CNST: variants seen among roughly 807,000 people sequenced by gnomAD.
CNST encodes the protein consortin.
CNST carries 39 observed loss-of-function variants against 72.4 expected under a neutral mutation model. The observed-to-expected ratio is 0.54, with a 90% CI of 0.42 to 0.70. The LOEUF is 0.70. Among genes scored for constraint, CNST ranks in the 30% least tolerant of loss-of-function variants. The pLI is 0.00. For missense variants in CNST, 871 were observed against 868.5 expected, an observed-to-expected ratio of 1.00 and a Z score of -0.04; for synonymous variants, 332 against 320.1, an observed-to-expected ratio of 1.04 and a Z score of -0.40.
intron 1 of CNST, among the ~76,000 whole-genome samples, chr1:246,584,636 A>G (rs1661017955): frequency 1.3e-5 from 2 of 152,194 alleles, no homozygotes. Flanking sequence ...TATGAAACCA[A>G]GTCGAATGGA....
chr1:246,623,898 C>A lies in CNST; in HGVS notation c.585+2264C>A, dbSNP rs868234213. Among the ~76,000 whole-genome samples, 95 of 138,634 alleles carry A rather than the reference C, an allele frequency of 6.9e-4. 1 individual carries two copies. The highest frequency in any genetic ancestry group is 7.1e-4 in the Admixed American group (10 of 13,996). The allele number at this position is 138,634 out of a possible 152,430, so 90.9% of individuals were successfully genotyped here. On this transcript the variant is annotated intron_variant, in intron 3 of 10. Coordinates refer to ENST00000366513, the MANE Select transcript of CNST (RefSeq NM_152609.3). ...GCAACATCATGAAACCTTGTCTCTACAAAAAAAAAAAAAATGTAGCCAGGC... is the reference window on the plus strand; with the variant it reads ...GCAACATCATGAAACCTTGTCTCTAAAAAAAAAAAAAAAATGTAGCCAGGC...
rs1491252940 is a variant in CNST at position 246,642,132 on chromosome 1, G to GTTTTTTTTTT, written c.937+95_937+96insTTTTTTTTTT. 25 of 198,342 alleles carry GTTTTTTTTTT rather than the reference G, an allele frequency of 1.3e-4. 5 individuals carry two copies. The highest frequency in any genetic ancestry group is 1.2e-3 in the African/African-American group (23 of 18,814). 12.3% of individuals were successfully genotyped at this position (198,342 alleles called of 1,614,324 possible). ...ACATCTGAATTGCTGCAAAGGATCT[G>GTTTTTTTTTT]GTTTTTTTTTTTTTTTTTTTTTGCA... On this transcript the variant is annotated intron_variant, in intron 8 of 10. Coordinates refer to ENST00000366513, the MANE Select transcript of CNST (RefSeq NM_152609.3).
chr1:246,601,495 G>A (rs1278017497), intron 2 of CNST, among the ~76,000 whole-genome samples: 1 of 151,468 alleles, frequency 6.6e-6, no homozygotes, highest in Non-Finnish European at 1.5e-5. Context: ...GGGAAGGCAG[G>A]TATTAAATAA....
chr1:246,652,940 C>T (rs111818889), intron 9 of CNST, among the ~76,000 whole-genome samples: 5,580 of 150,256 alleles, frequency 0.037, 241 homozygotes, highest in African/African-American at 0.11. Context: ...GGAGGCGGAG[C>T]TTGCAGTGAG....
chr1:246,633,714 G>T (rs1664940189), intron 4 of CNST, among the ~76,000 whole-genome samples: 1 of 149,812 alleles, frequency 6.7e-6, no homozygotes, highest in Admixed American at 6.7e-5. Flanking sequence ...CTGCACTCCA[G>T]CCTGGACTAC....
At position 246,647,260 on chromosome 1, in the gene CNST, A is replaced by T; in HGVS notation, c.1059A>T (p.Val353=). 6.2e-7 allele frequency: 1 copy of T among 1,614,152 alleles called. No homozygotes were observed. Among genetic ancestry groups the T allele is most frequent in the Non-Finnish European group, 8.5e-7 (1 of 1,180,022 alleles). Residue 353 remains valine (V), a synonymous_variant, in exon 9 of 11, where the codon GTA becomes GTT. Coordinates refer to ENST00000366513, the MANE Select transcript of CNST (RefSeq NM_152609.3). ...DVQTDSPSLS[V]TAGKDHMEEL... The stretch of plus-strand genomic sequence containing the variant: ...AAACAGATTCCCCAAGCCTTTCGGT[A>T]ACTGCAGGAAAGGACCACATGGAGG...
At chr1:246,585,056 A>G (rs1366002135) in intron 1 of CNST, among the ~76,000 whole-genome samples, 1 of 152,176 alleles carries the variant, frequency 6.6e-6, no homozygotes, top group East Asian at 1.9e-4. Flanking sequence ...TAGATGATTG[A>G]TTCTGCTGGG....
intron 9 of CNST, among the ~76,000 whole-genome samples, chr1:246,650,932 C>T (rs1429143609): frequency 1.3e-5 from 2 of 152,086 alleles, no homozygotes; most frequent in Non-Finnish European, 2.9e-5. Context: ...CCTACCTCGG[C>T]CTACCAAAGT....
chr1:246,650,000 C>T (rs548835880), intron 9 of CNST, among the ~76,000 whole-genome samples: 1 of 151,866 alleles, frequency 6.6e-6, no homozygotes, highest in South Asian at 2.1e-4. Context: ...ACATGTATTT[C>T]CAAAGCCTAC....
At chr1:246,588,817 A>G (rs1661358581) in intron 1 of CNST, among the ~76,000 whole-genome samples, 1 of 152,222 alleles carries the variant, frequency 6.6e-6, no homozygotes, top group South Asian at 2.1e-4. Flanking sequence ...TTCATTGGAA[A>G]TGCTTGAACT....
At chr1:246,664,832 T>A (rs1258060633) in intron 10 of CNST, among the ~76,000 whole-genome samples, 1 of 152,244 alleles carries the variant, frequency 6.6e-6, no homozygotes, top group Non-Finnish European at 1.5e-5. Context: ...TCCTACACTT[T>A]AATCATGCTG....
At chr1:246,602,801 C>CTTT (rs1433781730) in intron 2 of CNST, among the ~76,000 whole-genome samples, 3 of 152,172 alleles carry the variant, frequency 2.0e-5, no homozygotes, top group African/African-American at 7.2e-5. Context: ...TTCACAGTTC[C>CTTT]TTTTTTCCCT....
At chr1:246,642,133 G>T (rs12748305) in intron 8 of CNST, 96 bp downstream of exon 8, 55,191 of 185,866 alleles carry the variant, frequency 0.3, 7,360 homozygotes, top group African/African-American at 0.52. Context: ...AAAGGATCTG[G>T]TTTTTTTTTT....
chr1:246,608,458 C>G (rs1216977406), intron 2 of CNST, among the ~76,000 whole-genome samples: 1 of 152,224 alleles, frequency 6.6e-6, no homozygotes, highest in Admixed American at 6.5e-5. Flanking sequence ...TCTAATCAAA[C>G]TTCTGAGAGG....
intron 2 of CNST, among the ~76,000 whole-genome samples, chr1:246,599,869 T>C (rs1361275265): frequency 6.6e-6 from 1 of 152,254 alleles, no homozygotes; most frequent in Non-Finnish European, 1.5e-5. Flanking sequence ...AATAGATATT[T>C]ATTGAGCATT....
intron 2 of CNST, among the ~76,000 whole-genome samples, chr1:246,609,914 A>G (rs1663189642): frequency 1.3e-5 from 2 of 152,198 alleles, no homozygotes; most frequent in Admixed American, 6.5e-5. Flanking sequence ...AATTACATTC[A>G]TAATGTTGTG....
intron 1 of CNST, among the ~76,000 whole-genome samples, chr1:246,575,460 T>C (rs930582404): frequency 2.0e-5 from 3 of 152,222 alleles, no homozygotes; most frequent in African/African-American, 7.2e-5. Context: ...AGAAGCTAAT[T>C]GCAATAGACC....
chr1:246,644,388 CAAAA>C (rs58278885), intron 8 of CNST, among the ~76,000 whole-genome samples: 28 of 102,140 alleles, frequency 2.7e-4, no homozygotes, highest in African/African-American at 7.9e-4. Context: ...ACTCTGTCTC[CAAAA>C]AAAAAAAAAA....
rs537248240 is a variant in CNST at position 246,591,823 on chromosome 1, G to C, written c.261G>C (p.Leu87Phe). Residue 87 changes from leucine to phenylalanine, a missense_variant, in exon 2 of 11, where the codon TTG becomes TTC. By Grantham distance (22) the Leu-to-Phe change is conservative (BLOSUM62 0). Coordinates refer to ENST00000366513, the MANE Select transcript of CNST (RefSeq NM_152609.3). ...LSCEVAAGEN[L>F]QNTLCEASRD... Reference sequence around the variant, plus strand: ...GCGAGGTGGCTGCAGGTGAGAACTTGCAAAACACCCTTTGTGAAGCCTCCA... The same window carrying C: ...GCGAGGTGGCTGCAGGTGAGAACTTCCAAAACACCCTTTGTGAAGCCTCCA... 1 of 1,613,906 alleles carries C rather than the reference G, an allele frequency of 6.2e-7. No individual in the cohort carries two copies. Among genetic ancestry groups the C allele is most frequent in the Non-Finnish European group, 8.5e-7 (1 of 1,179,964 alleles).
Sources: gnomAD v4.1 joint callset for allele counts (sites outside exome capture counted in the v4.1 genomes callset) on GRCh38, gnomAD v4.1.1 for gene constraint, MANE v1.5 for transcripts, NCBI Gene and HGNC (gene_info 2026-07-23, HGNC 2026-07-21) for gene names.